Variants in HPSE2 observed in about 807,000 individuals in gnomAD.
HPSE2 encodes heparanase 2 (inactive).
HPSE2 carries 38 observed loss-of-function variants against 60.5 expected under a neutral mutation model. That is an observed-to-expected ratio of 0.63 (90% CI 0.48 to 0.82). The LOEUF (loss-of-function observed/expected upper bound fraction) is 0.82, where lower values mean the gene tolerates loss of function less well. Among genes scored for constraint, HPSE2 ranks in the 40% least tolerant of loss-of-function variants. HPSE2 has a pLI of 0.00. For synonymous variants in HPSE2, 295 were observed against 293.2 expected, an observed-to-expected ratio of 1.01 and a Z score of -0.06; for missense variants, 713 against 740.4, an observed-to-expected ratio of 0.96 and a Z score of 0.43.
At chr10:98,609,601 A>G (rs918829978) in intron 9 of HPSE2, among the ~76,000 whole-genome samples, 4 of 152,198 alleles carry the variant, frequency 2.6e-5, no homozygotes, top group African/African-American at 9.7e-5. Flanking sequence ...ACATGTATGT[A>G]TATATACCAA....
chr10:98,650,148 T>G (rs1946878781), intron 6 of HPSE2, among the ~76,000 whole-genome samples: 1 of 152,214 alleles, frequency 6.6e-6, no homozygotes, highest in Non-Finnish European at 1.5e-5. Flanking sequence ...TTTTCACTTT[T>G]GAGCAGAAAT....
chr10:99,256,671 C>A, the HPSE2 span, among the ~76,000 whole-genome samples: 1 of 152,082 alleles, frequency 6.6e-6, no homozygotes, highest in Non-Finnish European at 1.5e-5. Flanking sequence ...GTAAAACTAT[C>A]TTTATTCTCA....
chr10:99,065,674 T>G (rs999085969), intron 3 of HPSE2, among the ~76,000 whole-genome samples: 3 of 152,118 alleles, frequency 2.0e-5, no homozygotes, highest in African/African-American at 7.2e-5. Flanking sequence ...GTACAAACAC[T>G]CAGAGAATTC....
chr10:99,178,157 G>A (rs1847606729), intron 2 of HPSE2, among the ~76,000 whole-genome samples: 1 of 151,698 alleles, frequency 6.6e-6, no homozygotes, highest in Admixed American at 6.6e-5. Flanking sequence ...ATGCCCACAG[G>A]AGAAAGTGGG....
intron 11 of HPSE2, among the ~76,000 whole-genome samples, chr10:98,481,851 C>A (rs752292122): frequency 1.3e-5 from 2 of 152,210 alleles, no homozygotes; most frequent in Non-Finnish European, 2.9e-5. Context: ...ATCCCATACC[C>A]TTCCTGAGAG....
intron 2 of HPSE2, among the ~76,000 whole-genome samples, chr10:99,154,249 G>T (rs1249042516): frequency 1.4e-5 from 2 of 138,746 alleles, no homozygotes; most frequent in African/African-American, 5.2e-5. Flanking sequence ...GAAATACAGA[G>T]AACGCCACAA....
chr10:98,927,298 G>A (rs912424396), intron 3 of HPSE2, among the ~76,000 whole-genome samples: 1 of 152,030 alleles, frequency 6.6e-6, no homozygotes, highest in African/African-American at 2.4e-5. Flanking sequence ...CCTGTATTGG[G>A]TGCATATATA....
At chr10:98,524,168 T>C (rs114695988) in intron 9 of HPSE2, among the ~76,000 whole-genome samples, 301 of 152,320 alleles carry the variant, frequency 2.0e-3, no homozygotes, top group African/African-American at 6.7e-3. Flanking sequence ...AAATTCTCAA[T>C]AATTTTATCT....
intron 3 of HPSE2, among the ~76,000 whole-genome samples, chr10:99,132,210 AGAGAGAGAGAGAGAG>A (rs1564833022): frequency 2.8e-4 from 8 of 28,904 alleles, no homozygotes; most frequent in African/African-American, 4.7e-4. Context: ...AGAGAGAGAG[AGAGAGAGAGAGAGAG>A]AGAGAGAGAG....
chr10:99,235,035 G>A (rs1280567896), intron 1 of HPSE2, among the ~76,000 whole-genome samples: 1 of 151,628 alleles, frequency 6.6e-6, no homozygotes. Context: ...CGATCTTTCC[G>A]TGGAAAATTC....
At chr10:99,113,313 A>G (rs1489105243) in intron 3 of HPSE2, among the ~76,000 whole-genome samples, 1 of 152,180 alleles carries the variant, frequency 6.6e-6, no homozygotes, top group African/African-American at 2.4e-5. Context: ...CAGAATCCAA[A>G]CCTACGTCTG....
intron 3 of HPSE2, among the ~76,000 whole-genome samples, chr10:98,900,729 G>A (rs951570387): frequency 6.6e-6 from 1 of 152,120 alleles, no homozygotes; most frequent in African/African-American, 2.4e-5. Context: ...TGTTGGTGAA[G>A]ATGTGGAAAA....
chr10:99,227,096 A>G lies in HPSE2; in HGVS notation c.448+5252T>C, dbSNP rs1441332489. On this transcript the variant is annotated intron_variant, in intron 2 of 11. Transcript: ENST00000370552. ...TTGGCAGTTGTGCTGTTCTTACACC[A>G]TAAGTCTTGATTGATAGAATGGGAT... Among the ~76,000 whole-genome samples the G allele has an allele frequency of 2.6e-5, 4 of 152,200 alleles. No individual in the cohort carries two copies. In the South Asian group the frequency reaches 6.2e-4, roughly 24 times the overall value.
At chr10:99,251,325 A>G in the HPSE2 span, among the ~76,000 whole-genome samples, 2 of 152,226 alleles carry the variant, frequency 1.3e-5, no homozygotes, top group Non-Finnish European at 2.9e-5. Context: ...ACCAATATCA[A>G]GTTCAGAAAT....
chr10:98,599,391 C>A (rs942624219), intron 9 of HPSE2, among the ~76,000 whole-genome samples: 2 of 152,110 alleles, frequency 1.3e-5, no homozygotes, highest in Non-Finnish European at 2.9e-5. Context: ...CTGGGGCTGG[C>A]CTGACCTGGC....
At position 99,134,195 on chromosome 10, in the gene HPSE2, A is replaced by C. The variant is rs530092721; in HGVS notation, c.610+10043T>G. 2.0e-5 allele frequency among the ~76,000 whole-genome samples: 3 copies of C among 152,328 alleles called. No individual in the cohort carries two copies. In the East Asian group the frequency reaches 5.8e-4, roughly 29 times the overall value. ...AAAAAGAATAAAAAGGAACAGAAAA[A>C]GCCTCCAAGAAATATGGGACTATGT... is the stretch of plus-strand genomic sequence containing the variant. On this transcript the variant is annotated intron_variant, in intron 3 of 11. Coordinates refer to ENST00000370552, the MANE Select transcript of HPSE2 (RefSeq NM_021828.5).
intron 9 of HPSE2, among the ~76,000 whole-genome samples, chr10:98,609,010 A>G (rs1167350690): frequency 6.6e-6 from 1 of 152,166 alleles, no homozygotes; most frequent in Admixed American, 6.5e-5. Flanking sequence ...ATCTAACATG[A>G]TTCACTGGAA....
At chr10:98,829,986 G>A (rs893616657) in intron 3 of HPSE2, among the ~76,000 whole-genome samples, 7 of 151,986 alleles carry the variant, frequency 4.6e-5, no homozygotes, top group African/African-American at 1.7e-4. Flanking sequence ...TAAGTTCCCC[G>A]CCCCTCAACT....
chr10:98,876,944 T>C (rs1201698112), intron 3 of HPSE2, among the ~76,000 whole-genome samples: 2 of 151,910 alleles, frequency 1.3e-5, no homozygotes, highest in African/African-American at 4.8e-5. Context: ...CCTGTACATA[T>C]GTCTTCACTG....
Sources: allele counts gnomAD v4.1 joint callset (sites outside exome capture counted in the v4.1 genomes callset), GRCh38; gene constraint gnomAD v4.1.1; transcripts MANE v1.5; gene names NCBI Gene and HGNC (gene_info 2026-07-23, HGNC 2026-07-21).